The following LRRFIP2 variants were observed in gnomAD, a reference collection of about 807,000 sequenced individuals.
LRRFIP2 encodes the protein LRR binding FLII interacting protein 2, also known as leucine-rich repeat flightless-interacting protein 2.
LRRFIP2 carries 109 observed loss-of-function variants against 125.9 expected under a neutral mutation model. That is an observed-to-expected ratio of 0.87 (90% CI 0.74 to 1.01). LRRFIP2 has a LOEUF of 1.01. Ranked by LOEUF, LRRFIP2 falls within the 50% of genes least tolerant of loss-of-function variation. The pLI is 0.00. For missense variants in LRRFIP2, 850 were observed against 862.3 expected (o/e 0.99, Z 0.18); for synonymous variants, 291 against 293.1 (o/e 0.99, Z 0.07).
intron 1 of LRRFIP2, among the ~76,000 whole-genome samples, chr3:37,155,864 T>C (rs4678943): frequency 0.38 from 58,067 of 151,918 alleles, 11,795 homozygotes; most frequent in Non-Finnish European, 0.45. Context: ...TCAATTTTTC[T>C]GTATGTTTAA....
At position 37,115,637 on chromosome 3, in the gene LRRFIP2, C is replaced by T. The variant is rs948194177; in HGVS notation, c.331-542G>A. Among the ~76,000 whole-genome samples, 12 of 152,274 alleles carry T rather than the reference C, an allele frequency of 7.9e-5. No homozygotes were observed. In the South Asian group the frequency reaches 2.5e-3, roughly 32 times the overall value. On this transcript the variant is annotated intron_variant, in intron 6 of 27. Transcript: ENST00000336686. ...TTGTGAACAAACACCTAAGAATGTCCTTCCTCAAGAAAATGCCGATTTCTC... is the reference window on the plus strand; with the variant it reads ...TTGTGAACAAACACCTAAGAATGTCTTTCCTCAAGAAAATGCCGATTTCTC...
chr3:37,054,350 T>C (rs2086196379), intron 27 of LRRFIP2, 61 bp downstream of exon 27: 1 of 1,351,212 alleles, frequency 7.4e-7, no homozygotes, highest in Non-Finnish European at 1.0e-6. Flanking sequence ...CTAAGAATTA[T>C]TTCCAGAAGA....
At chr3:37,061,165 C>A (rs959365901) in intron 24 of LRRFIP2, among the ~76,000 whole-genome samples, 10 of 152,154 alleles carry the variant, frequency 6.6e-5, no homozygotes, top group African/African-American at 2.4e-4. Context: ...TGCCCCTTCA[C>A]CTTCCGCCGT....
intron 18 of LRRFIP2, among the ~76,000 whole-genome samples, chr3:37,090,218 TTTTGTTTGTTTG>T (rs111504404): frequency 1.3e-5 from 2 of 150,914 alleles, no homozygotes; most frequent in African/African-American, 2.4e-5. Context: ...ATTTTACTTT[TTTTGTTTGTTTG>T]TTTGTTTGTT....
intron 4 of LRRFIP2, among the ~76,000 whole-genome samples, chr3:37,125,480 T>C (rs1232600795): frequency 6.6e-6 from 1 of 152,230 alleles, no homozygotes; most frequent in Admixed American, 6.5e-5. Context: ...CACTCTCTCA[T>C]ACCTTCAAAT....
At chr3:37,070,305 C>T (rs1052838749) in intron 21 of LRRFIP2, among the ~76,000 whole-genome samples, 1 of 151,410 alleles carries the variant, frequency 6.6e-6, no homozygotes, top group African/African-American at 2.4e-5. Flanking sequence ...GTAGAGACAG[C>T]GTTTTACCAT....
intron 2 of LRRFIP2, among the ~76,000 whole-genome samples, chr3:37,134,104 C>T (rs989385803): frequency 1.3e-5 from 2 of 151,352 alleles, no homozygotes; most frequent in Non-Finnish European, 2.9e-5. Context: ...ATCGCTTGAA[C>T]CTGGGAGACG....
chr3:37,071,590 T>A (rs1418425052), intron 21 of LRRFIP2, among the ~76,000 whole-genome samples: 5 of 152,210 alleles, frequency 3.3e-5, no homozygotes, highest in Non-Finnish European at 7.3e-5. Flanking sequence ...TCCTGCTGAC[T>A]ACTGGTTGGG....
chr3:37,124,714 C>T (rs911956670), intron 4 of LRRFIP2, among the ~76,000 whole-genome samples: 2 of 152,132 alleles, frequency 1.3e-5, no homozygotes, highest in Admixed American at 6.5e-5. Flanking sequence ...ACATCCTATA[C>T]TGGCTAAATT....
chr3:37,136,069 C>T (rs149111513), intron 2 of LRRFIP2, among the ~76,000 whole-genome samples: 9 of 152,184 alleles, frequency 5.9e-5, no homozygotes, highest in Non-Finnish European at 8.8e-5. Context: ...AATAAACCAG[C>T]GAGATTATCC....
intron 2 of LRRFIP2, among the ~76,000 whole-genome samples, chr3:37,135,389 C>G (rs1481440549): frequency 1.3e-5 from 2 of 149,300 alleles, no homozygotes; most frequent in East Asian, 2.0e-4. Context: ...ACCCAGGAGG[C>G]GGAGGCTGCA....
intron 20 of LRRFIP2, among the ~76,000 whole-genome samples, chr3:37,074,151 G>A (rs1194339752): frequency 6.6e-6 from 1 of 152,154 alleles, no homozygotes; most frequent in Non-Finnish European, 1.5e-5. Context: ...CATTTGTAGA[G>A]AGACATATTA....
In LRRFIP2 at chr3:37,053,903, T is replaced by C. The variant is rs1222394849; in HGVS notation, c.2114A>G (p.Lys705Arg). 6.2e-7 allele frequency: 1 copy of C among 1,614,032 alleles called. No homozygotes were observed. ...EMEMTNSHLA[K>R]RLEKMKANRT... is the part of the protein sequence containing the mutation. The stretch of plus-strand genomic sequence containing the variant: ...ATTGGCCTTCATCTTCTCCAGCCGC[T>C]TGGCCAGGTGGCTGTTGGTCATCTC... Residue 705 changes from lysine (K) to arginine (R), a missense_variant, in exon 28 of 28, where the codon AAG becomes AGG. Transcript: ENST00000336686.
At chr3:37,167,851 T>G (rs962543045) in intron 1 of LRRFIP2, among the ~76,000 whole-genome samples, 2 of 152,016 alleles carry the variant, frequency 1.3e-5, no homozygotes, top group Non-Finnish European at 2.9e-5. Flanking sequence ...AGTGCACACC[T>G]GTACTCCCAG....
intron 1 of LRRFIP2, among the ~76,000 whole-genome samples, chr3:37,162,155 C>CAAAAAAAAAAAAA (rs71091697): frequency 2.7e-5 from 2 of 74,006 alleles, no homozygotes; most frequent in Non-Finnish European, 4.8e-5. Flanking sequence ...GACCCTGTCT[C>CAAAAAAAAAAAAA]AAAAAAAAAA....
chr3:37,130,026 GT>G (rs1200395104), intron 2 of LRRFIP2, among the ~76,000 whole-genome samples: 1 of 152,102 alleles, frequency 6.6e-6, no homozygotes, highest in African/African-American at 2.4e-5. Context: ...CAATTCTGTG[GT>G]TTTTAGTATA....
intron 1 of LRRFIP2, among the ~76,000 whole-genome samples, chr3:37,166,164 T>C (rs2096485172): frequency 6.6e-6 from 1 of 151,964 alleles, no homozygotes; most frequent in South Asian, 2.1e-4. Context: ...AACCCGTCTC[T>C]ACTAAAAATA....
chr3:37,112,525 G>A (rs1378106308), intron 8 of LRRFIP2, among the ~76,000 whole-genome samples: 1 of 152,006 alleles, frequency 6.6e-6, no homozygotes, highest in Non-Finnish European at 1.5e-5. Flanking sequence ...TGCATTCCAA[G>A]TTCCCAAAAC....
intron 2 of LRRFIP2, among the ~76,000 whole-genome samples, chr3:37,132,991 A>T (rs1180464989): frequency 6.6e-6 from 1 of 152,224 alleles, no homozygotes; most frequent in African/African-American, 2.4e-5. Flanking sequence ...TAGGAGGACA[A>T]GGCGGGCAGA....
Sources: gnomAD v4.1 joint callset for allele counts (sites outside exome capture counted in the v4.1 genomes callset) on GRCh38, gnomAD v4.1.1 for gene constraint, MANE v1.5 for transcripts, NCBI Gene and HGNC (gene_info 2026-07-23, HGNC 2026-07-21) for gene names.